The following CSMD3 variants were observed in gnomAD, a reference collection of about 807,000 sequenced individuals.
The protein encoded by CSMD3 is CUB and Sushi multiple domains 3, also known as CUB and sushi domain-containing protein 3.
Under a neutral mutation model 435.2 loss-of-function variants are expected in CSMD3, and 177 were observed. That is an observed-to-expected ratio of 0.41 (90% confidence interval 0.36 to 0.46). The LOEUF (loss-of-function observed/expected upper bound fraction) is 0.46. CSMD3 is among the 20% of genes least tolerant of loss of function. CSMD3 has a pLI of 0.34. For missense variants in CSMD3, 4,265 were observed against 4,504.6 expected (o/e 0.95, Z 1.52); for synonymous variants, 1,656 against 1,520.5 (o/e 1.09, Z -2.07).
rs2130989797 is a variant in CSMD3, at chr8:112,517,189, G to A, written c.4601C>T (p.Pro1534Leu). ...ATCCCCATTTCGAGTCCCATTCATG[G>A]GGACCCCTGGGTCACGACACGCAGT... ...VATACRDPGV[P>L]MNGTRNGDGR... Residue 1534 changes from proline (P) to leucine (L), a missense_variant, in exon 28 of 71, where the codon CCC (proline) becomes CTC (leucine). Physicochemically the swap from Pro to Leu is moderately conservative, Grantham distance 98. Coordinates refer to ENST00000297405, the MANE Select transcript of CSMD3 (RefSeq NM_198123.2). The A allele has an allele frequency of 6.2e-7, 1 of 1,613,616 alleles. No individual in the cohort carries two copies. Among genetic ancestry groups the A allele is most frequent in the Non-Finnish European group, 8.5e-7 (1 of 1,179,864 alleles).
Position 112,854,063 on chromosome 8 carries a change from A to G in CSMD3, c.1755+5082T>C, listed in dbSNP as rs571963285. Among the ~76,000 whole-genome samples the G allele has an allele frequency of 2.0e-5, 3 of 152,262 alleles. No homozygotes were observed. In the East Asian group the frequency reaches 5.8e-4, roughly 29 times the overall value. On this transcript the variant is annotated intron_variant, in intron 11 of 70. Transcript: ENST00000297405. ...AGTTTTTACTTTTCTTTCTGGATGAAAAAAGGATGGTATCTGTCTACATAG... is the reference window on the plus strand; with the variant it reads ...AGTTTTTACTTTTCTTTCTGGATGAGAAAAGGATGGTATCTGTCTACATAG...
At chr8:112,562,215 A>C (rs1192918341) in intron 24 of CSMD3, among the ~76,000 whole-genome samples, 1 of 151,728 alleles carries the variant, frequency 6.6e-6, no homozygotes, top group East Asian at 1.9e-4. Context: ...TTTGTTTATG[A>C]GTAACTATGT....
intron 59 of CSMD3, among the ~76,000 whole-genome samples, chr8:112,276,408 G>A (rs562961675): frequency 2.6e-5 from 4 of 152,172 alleles, no homozygotes; most frequent in Admixed American, 6.5e-5. Context: ...TCTTCTCACA[G>A]CTCCACTAGG....
chr8:113,370,068 C>T (rs2094337492), intron 1 of CSMD3, among the ~76,000 whole-genome samples: 1 of 151,648 alleles, frequency 6.6e-6, no homozygotes, highest in Non-Finnish European at 1.5e-5. Context: ...GTTCTCATCA[C>T]AAAACTGCTA....
At chr8:112,704,981 G>C (rs2076468034) in intron 13 of CSMD3, among the ~76,000 whole-genome samples, 1 of 152,038 alleles carries the variant, frequency 6.6e-6, no homozygotes, top group African/African-American at 2.4e-5. Context: ...ATGATTATAA[G>C]TGGTTTAGTT....
chr8:113,234,944 A>G (rs1712779910), intron 3 of CSMD3, among the ~76,000 whole-genome samples: 1 of 152,052 alleles, frequency 6.6e-6, no homozygotes, highest in African/African-American at 2.4e-5. Flanking sequence ...CGACCATGCC[A>G]CCAGCCAGGT....
intron 3 of CSMD3, among the ~76,000 whole-genome samples, chr8:113,253,657 T>C (rs1019635152): frequency 3.3e-5 from 5 of 151,766 alleles, no homozygotes; most frequent in African/African-American, 9.7e-5. Context: ...CTGGCCAACA[T>C]AGTGAAACCC....
chr8:112,490,456 T>A (rs1335745218), intron 31 of CSMD3, among the ~76,000 whole-genome samples: 1 of 152,214 alleles, frequency 6.6e-6, no homozygotes, highest in Non-Finnish European at 1.5e-5. Context: ...AAACTGACAT[T>A]TCTATGACCT....
chr8:112,422,933 T>C (rs963841897), intron 32 of CSMD3, among the ~76,000 whole-genome samples: 3 of 152,166 alleles, frequency 2.0e-5, no homozygotes, highest in Non-Finnish European at 2.9e-5. Flanking sequence ...TTATCAGTCA[T>C]TTGGTCCAAT....
intron 38 of CSMD3, among the ~76,000 whole-genome samples, chr8:112,355,452 T>C: frequency 6.6e-6 from 1 of 152,062 alleles, no homozygotes; most frequent in East Asian, 1.9e-4. Flanking sequence ...TGGGAGAAAA[T>C]GTTCGTAAGC....
chr8:112,947,289 C>T (rs1356057275), intron 9 of CSMD3, among the ~76,000 whole-genome samples: 3 of 151,682 alleles, frequency 2.0e-5, no homozygotes, highest in African/African-American at 7.2e-5. Flanking sequence ...AAAATTAATA[C>T]TAATTTGTGA....
At chr8:113,352,697 C>T (rs1440391402) in intron 1 of CSMD3, among the ~76,000 whole-genome samples, 3 of 152,028 alleles carry the variant, frequency 2.0e-5, no homozygotes, top group African/African-American at 4.8e-5. Context: ...ACAGACAAGA[C>T]AAAGACTGAA....
rs118055737 is a variant in CSMD3, at chr8:113,320,823, G to T, written c.179-6030C>A. ...TTTTGCAGGCTTCTTAGCAACCACAGATATAGCTGTAAGCAATACTGGTGA... is the reference window on the plus strand; with the variant it reads ...TTTTGCAGGCTTCTTAGCAACCACATATATAGCTGTAAGCAATACTGGTGA... On this transcript the variant is annotated intron_variant, in intron 1 of 70. Coordinates refer to ENST00000297405, the MANE Select transcript of CSMD3 (RefSeq NM_198123.2). Among the ~76,000 whole-genome samples, 158 of 152,108 alleles carry T rather than the reference G, an allele frequency of 1.0e-3. 3 individuals carry two copies. In the East Asian group the frequency reaches 0.03, roughly 29 times the overall value.
intron 12 of CSMD3, among the ~76,000 whole-genome samples, chr8:112,813,405 G>A (rs1563986006): frequency 1.3e-5 from 2 of 152,118 alleles, no homozygotes; most frequent in African/African-American, 4.8e-5. Context: ...CTACTTTATG[G>A]CAACAGCATG....
At chr8:112,938,844 G>A (rs906903975) in intron 9 of CSMD3, among the ~76,000 whole-genome samples, 6 of 152,082 alleles carry the variant, frequency 3.9e-5, no homozygotes, top group African/African-American at 1.4e-4. Flanking sequence ...GGATCAAATT[G>A]CAAGCCATAC....
At chr8:113,132,988 G>A (rs1686022186) in intron 4 of CSMD3, among the ~76,000 whole-genome samples, 1 of 152,072 alleles carries the variant, frequency 6.6e-6, no homozygotes, top group South Asian at 2.1e-4. Flanking sequence ...TTATCAGGAT[G>A]ATGGATAAAG....
At chr8:113,226,249 AAGG>A (rs1393453419) in intron 3 of CSMD3, among the ~76,000 whole-genome samples, 2 of 151,552 alleles carry the variant, frequency 1.3e-5, no homozygotes, top group African/African-American at 4.8e-5. Context: ...TCCTCATAAG[AAGG>A]AGGAATGTGA....
chr8:113,328,068 C>CACACACACAG lies in CSMD3; in HGVS notation c.179-13285_179-13276dup, dbSNP rs1159025003. On this transcript the variant is annotated intron_variant, in intron 1 of 70. Transcript: ENST00000297405. ...TTATAATGTTGAAGTTGTGCCCAAA[C>CACACACACAG]ACACACACAGACACACACAGACACA... Among the ~76,000 whole-genome samples the CACACACACAG allele has an allele frequency of 9.9e-4, 150 of 151,950 alleles. 1 individual carries two copies. The highest frequency in any genetic ancestry group is 3.3e-3 in the Admixed American group (50 of 15,258).
intron 31 of CSMD3, among the ~76,000 whole-genome samples, chr8:112,492,068 A>G (rs1820758397): frequency 6.6e-6 from 1 of 152,204 alleles, no homozygotes; most frequent in Non-Finnish European, 1.5e-5. Flanking sequence ...TTACAGATAA[A>G]GATTTATCAC....
Sources: allele counts gnomAD v4.1 joint callset (sites outside exome capture counted in the v4.1 genomes callset), GRCh38; gene constraint gnomAD v4.1.1; transcripts MANE v1.5; gene names NCBI Gene and HGNC (gene_info 2026-07-23, HGNC 2026-07-21).